The following ZNF207 variants were observed in gnomAD, a reference collection of about 807,000 sequenced individuals.
ZNF207 encodes the protein BUB3-interacting and GLEBS motif-containing protein ZNF207.
In ZNF207, 24 loss-of-function variants were observed where a neutral mutation model predicts 60.2. That is an observed-to-expected ratio of 0.40 (90% CI 0.29 to 0.56). The LOEUF (loss-of-function observed/expected upper bound fraction) is 0.56, where lower values mean the gene tolerates loss of function less well. Among genes scored for constraint, ZNF207 ranks in the 20% least tolerant of loss-of-function variants. The pLI is 0.49. For missense variants in ZNF207, 452 were observed against 636.6 expected (o/e 0.71, Z 3.12); for synonymous variants, 236 against 194.7 (o/e 1.21, Z -1.77).
chr17:32,371,778 C>G lies in ZNF207; in HGVS notation c.*2019C>G, dbSNP rs926779211. Reference sequence around the variant, plus strand: ...TTATCTGGCTTCAATGATTTTGGCTCCTGTGCTTGTGGTACCATAGTGGTA... The same window carrying G: ...TTATCTGGCTTCAATGATTTTGGCTGCTGTGCTTGTGGTACCATAGTGGTA... On this transcript the variant is annotated 3_prime_UTR_variant, in exon 12 of 12. Coordinates refer to ENST00000394670, the MANE Select transcript of ZNF207 (RefSeq NM_001098507.2). The G allele has an allele frequency of 5.3e-5, 8 of 152,126 alleles. No homozygotes were observed. The highest frequency in any genetic ancestry group is 1.9e-4 in the African/African-American group (8 of 41,430). 9.4% of individuals were successfully genotyped at this position (152,126 alleles called of 1,614,324 possible). A position where few individuals can be genotyped will look rare whatever the true frequency, so the allele number is the denominator to read the frequency against.
At chr17:32,367,376 G>GT (rs371039583) in intron 9 of ZNF207, among the ~76,000 whole-genome samples, 4,062 of 139,394 alleles carry the variant, frequency 0.029, 59 homozygotes, top group Middle Eastern at 0.056. Context: ...ATATTCTGTA[G>GT]TTTTTTTTTT....
chr17:32,369,494 C>T, intron 11 of ZNF207, 40 bp downstream of exon 11: 11 of 1,607,424 alleles, frequency 6.8e-6, no homozygotes, highest in Non-Finnish European at 9.4e-6. Context: ...AGTGGATTTT[C>T]TAAGTTCACG....
Position 32,362,924 on chromosome 17 carries a change from A to G in ZNF207, c.610A>G (p.Met204Val), listed in dbSNP as rs773812386. The change falls in exon 7 of 12, where the codon ATG (methionine) becomes GTG (valine). Residue 204 changes from methionine (M) to valine (V), a missense_variant. Physicochemically the swap from Met to Val is conservative, Grantham distance 21. Coordinates refer to ENST00000394670, the MANE Select transcript of ZNF207 (RefSeq NM_001098507.2). ...SFCGENIMMP[M>V]GGMMPPGPGI... Reference sequence around the variant, plus strand: ...TTTGCTTTCTAATAGAATGATGCCAATGGGTGGAATGATGCCACCTGGACC... The same window carrying G: ...TTTGCTTTCTAATAGAATGATGCCAGTGGGTGGAATGATGCCACCTGGACC... 69 of 1,613,290 alleles carry G rather than the reference A, an allele frequency of 4.3e-5. No homozygotes were observed. The highest frequency in any genetic ancestry group is 3.2e-4 in the African/African-American group (24 of 74,906).
rs1597807763 is a variant in ZNF207 at position 32,381,883 on chromosome 17, T to G, written c.*12124T>G. ...ATGAATAAAATCTTTCATTTATTAT[T>G]TATGATACTTGTCTGAGCCCATTTT... On this transcript the variant is annotated 3_prime_UTR_variant, in exon 12 of 12. Transcript: ENST00000394670. The G allele has an allele frequency of 6.6e-6, 1 of 152,338 alleles. No individual in the cohort carries two copies. Among genetic ancestry groups the G allele is most frequent in the South Asian group, 2.1e-4 (1 of 4,830 alleles). The allele number at this position is 152,338 out of a possible 1,614,324, so 9.4% of individuals were successfully genotyped here.
rs1567824922 is a variant in ZNF207, at chr17:32,367,263, A to ATG, written c.921+507_922-507insGT. 1.1e-3 allele frequency among the ~76,000 whole-genome samples: 126 copies of ATG among 114,812 alleles called. 3 individuals carry two copies. Among genetic ancestry groups the ATG allele is most frequent in the East Asian group, 5.3e-3 (22 of 4,118 alleles). The allele number at this position is 114,812 out of a possible 152,430, so 75.3% of individuals were successfully genotyped here. A position where few individuals can be genotyped will look rare whatever the true frequency, so the allele number is the denominator to read the frequency against. On this transcript the variant is annotated intron_variant, in intron 9 of 11. Coordinates refer to ENST00000394670, the MANE Select transcript of ZNF207 (RefSeq NM_001098507.2). ...ATTATATATATATATATATATATAT[A>ATG]TATATATATATATATATATATAAAG... is the stretch of plus-strand genomic sequence containing the variant.
At position 32,367,901 on chromosome 17, in the gene ZNF207, A is replaced by G. The variant is rs2150802628; in HGVS notation, c.1051A>G (p.Thr351Ala). The G allele has an allele frequency of 6.2e-7, 1 of 1,614,198 alleles. No homozygotes were observed. Among genetic ancestry groups the G allele is most frequent in the Non-Finnish European group, 8.5e-7 (1 of 1,180,034 alleles). The change falls in exon 10 of 12, where the codon ACA becomes GCA. Residue 351 changes from threonine to alanine, a missense_variant. Physicochemically the swap from Thr to Ala is moderately conservative, Grantham distance 58. Around this residue, in one of 2 missense-constraint regions of ZNF207, gnomAD observed 390 missense variants for 461.4 expected, o/e 0.85. Transcript: ENST00000394670. The part of the protein sequence containing the change: ...YTQSTASTTS[T>A]TNSTAAKPAA... ...ACAGTCTACAGCTTCAACAACTAGTACAACAAATAGTACTGCAGCTAAACC... is the reference window on the plus strand; with the variant it reads ...ACAGTCTACAGCTTCAACAACTAGTGCAACAAATAGTACTGCAGCTAAACC...
intron 9 of ZNF207, among the ~76,000 whole-genome samples, chr17:32,367,282 T>TATATATATATATAAAA (rs1445385221): frequency 3.9e-4 from 32 of 82,838 alleles, no homozygotes; most frequent in South Asian, 7.4e-4. Context: ...TATATATATA[T>TATATATATATATAAAA]ATAAAGAATA....
In ZNF207 at chr17:32,381,561, A is replaced by G. The variant is rs950723787; in HGVS notation, c.*11802A>G. The G allele has an allele frequency of 1.3e-5, 2 of 152,250 alleles. No individual in the cohort carries two copies. The highest frequency in any genetic ancestry group is 4.8e-5 in the African/African-American group (2 of 41,470). 9.4% of individuals were successfully genotyped at this position (152,250 alleles called of 1,614,324 possible). On this transcript the variant is annotated 3_prime_UTR_variant, in exon 12 of 12. Transcript: ENST00000394670. Reference sequence around the variant, plus strand: ...ATAATTTTTGTTTACTAGTAGGTTCAGAGAGAGATCTGAGATGTTCCTTAA... The same window carrying G: ...ATAATTTTTGTTTACTAGTAGGTTCGGAGAGAGATCTGAGATGTTCCTTAA...
rs1055264711 is a variant in ZNF207 at position 32,373,241 on chromosome 17, G to A, written c.*3482G>A. 4.4e-6 allele frequency: 2 copies of A among 450,274 alleles called. No homozygotes were observed. Among genetic ancestry groups the A allele is most frequent in the Non-Finnish European group, 7.9e-6 (2 of 252,434 alleles). 27.9% of individuals were successfully genotyped at this position (450,274 alleles called of 1,614,324 possible). On this transcript the variant is annotated 3_prime_UTR_variant, in exon 12 of 12. Coordinates refer to ENST00000394670, the MANE Select transcript of ZNF207 (RefSeq NM_001098507.2). ...GGGATTCCCCAACAAAAAGAAGTAC[G>A]GGCTCAGAGTGGAATTGTAGTGGAC... is the stretch of plus-strand genomic sequence containing the variant.
intron 6 of ZNF207, among the ~76,000 whole-genome samples, chr17:32,361,877 A>G (rs1567819835): frequency 6.6e-6 from 1 of 152,188 alleles, no homozygotes; most frequent in Non-Finnish European, 1.5e-5. Context: ...TAATCTTCTG[A>G]TAAAAATTTT....
chr17:32,351,485 A>C, intron 1 of ZNF207: 1 of 1,465,920 alleles, frequency 6.8e-7, no homozygotes, highest in Non-Finnish European at 9.0e-7. Flanking sequence ...TAAATGTTGA[A>C]ATATTTATAA....
chr17:32,369,729 T>C lies in ZNF207; in HGVS notation c.1455T>C (p.Pro485=), dbSNP rs1273684034. The C allele has an allele frequency of 6.4e-7, 1 of 1,564,336 alleles. No individual in the cohort carries two copies. The highest frequency in any genetic ancestry group is 1.7e-4 in the Middle Eastern group (1 of 5,820). Residue 485 remains proline, a synonymous_variant, in exon 12 of 12, where the codon CCT becomes CCC. Transcript: ENST00000394670. ...GPPRPPMGMR[P]PVMSQGGRY ...CTCGACCTCCGATGGGAATGAGACC[T>C]CCTGTAATGTCGCAAGGTGGCCGTT...
rs1172234560 is a variant in ZNF207, at chr17:32,369,799, T to C, written c.*40T>C. On this transcript the variant is annotated 3_prime_UTR_variant, in exon 12 of 12. Coordinates refer to ENST00000394670, the MANE Select transcript of ZNF207 (RefSeq NM_001098507.2). ...GTCTAATAGGTTTGGAGATTAAACC[T>C]TTTCTCAACTTGTGCTGTTTATATA... The C allele has an allele frequency of 1.4e-6, 2 of 1,408,906 alleles. No individual in the cohort carries two copies. The highest frequency in any genetic ancestry group is 1.4e-5 in the African/African-American group (1 of 69,126). 87.3% of individuals were successfully genotyped at this position (1,408,906 alleles called of 1,614,324 possible). A position where few individuals can be genotyped will look rare whatever the true frequency, so the allele number is the denominator to read the frequency against.
At chr17:32,354,241 A>G (rs1018824137) in intron 2 of ZNF207, among the ~76,000 whole-genome samples, 5 of 152,198 alleles carry the variant, frequency 3.3e-5, no homozygotes, top group African/African-American at 9.7e-5. Context: ...CGGCCTCCCA[A>G]AGTGCTGGAA....
chr17:32,361,808 A>T (rs1055772239), intron 6 of ZNF207, among the ~76,000 whole-genome samples: 1 of 152,256 alleles, frequency 6.6e-6, no homozygotes, highest in African/African-American at 2.4e-5. Context: ...ATATTCTATG[A>T]AATTACATGC....
At chr17:32,357,348 A>AT (rs772462101) in intron 2 of ZNF207, among the ~76,000 whole-genome samples, 186 of 77,646 alleles carry the variant, frequency 2.4e-3, no homozygotes, top group Admixed American at 5.6e-3. Flanking sequence ...TATTATTATT[A>AT]TTATTTTTTT....
chr17:32,360,932 A>G lies in ZNF207; in HGVS notation c.516A>G (p.Pro172=), dbSNP rs187705818. 399 of 1,613,872 alleles carry G rather than the reference A, an allele frequency of 2.5e-4. 1 individual carries two copies. Among genetic ancestry groups the G allele is most frequent in the Non-Finnish European group, 3.3e-5 (39 of 1,180,010 alleles). The part of the protein sequence containing the change: ...PLMPGVPPLM[P]GMPPVMPGMP... ...TGCCAGGTGTTCCTCCTCTGATGCC[A>G]GGAATGCCACCAGTTATGCCAGGCA... Residue 172 remains proline (P), a synonymous_variant, in exon 5 of 12, where the codon CCA becomes CCG. Coordinates refer to ENST00000394670, the MANE Select transcript of ZNF207 (RefSeq NM_001098507.2).
Position 32,351,721 on chromosome 17 carries a change from C to T in ZNF207, c.42-65C>T, listed in dbSNP as rs117736698. On this transcript the variant is annotated intron_variant, in intron 1 of 11. Coordinates refer to ENST00000394670, the MANE Select transcript of ZNF207 (RefSeq NM_001098507.2). Reference sequence around the variant, plus strand: ...GCTGTTCCCATATTGTAATGTTATCCATATGTTTTTATTATAGGCAGTGTC... The same window carrying T: ...GCTGTTCCCATATTGTAATGTTATCTATATGTTTTTATTATAGGCAGTGTC... 3,854 of 1,610,488 alleles carry T rather than the reference C, an allele frequency of 2.4e-3. 9 individuals carry two copies. The highest frequency in any genetic ancestry group is 6.3e-3 in the Middle Eastern group (37 of 5,874).
At position 32,373,300 on chromosome 17, in the gene ZNF207, C is replaced by T. The variant is rs1905547698; in HGVS notation, c.*3541C>T. 1 of 592,698 alleles carries T rather than the reference C, an allele frequency of 1.7e-6. No individual in the cohort carries two copies. Among genetic ancestry groups the T allele is most frequent in the Non-Finnish European group, 3.0e-6 (1 of 330,404 alleles). 36.7% of individuals were successfully genotyped at this position (592,698 alleles called of 1,614,324 possible). A position where few individuals can be genotyped will look rare whatever the true frequency, so the allele number is the denominator to read the frequency against. ...AAAACAAAGCTGCTCCTTTTGCTTG[C>T]TTGATCATTGGGATTTTTAAAAAAA... On this transcript the variant is annotated 3_prime_UTR_variant, in exon 12 of 12. Coordinates refer to ENST00000394670, the MANE Select transcript of ZNF207 (RefSeq NM_001098507.2).
Sources: gnomAD v4.1 joint callset for allele counts (sites outside exome capture counted in the v4.1 genomes callset) on GRCh38, gnomAD v4.1.1 for gene constraint, gnomAD v4.1.1 regional missense constraint, MANE v1.5 for transcripts, NCBI Gene and HGNC (gene_info 2026-07-23, HGNC 2026-07-21) for gene names.